The following MEIKIN variants were observed in gnomAD, a reference collection of about 807,000 sequenced individuals.
The protein encoded by MEIKIN is meiosis-specific kinetochore protein.
intron 11 of MEIKIN, among the ~76,000 whole-genome samples, chr5:131,844,881 C>T (rs1749982564): frequency 2.0e-5 from 3 of 151,912 alleles, no homozygotes; most frequent in Admixed American, 2.0e-4. Flanking sequence ...ATATGCAAAC[C>T]TCAGAAAAGA....
chr5:131,826,119 A>G (rs1367136649), intron 11 of MEIKIN, among the ~76,000 whole-genome samples: 1 of 123,408 alleles, frequency 8.1e-6, no homozygotes, highest in Non-Finnish European at 1.6e-5. Context: ...TAGAGATGGG[A>G]TCTCGCTATA....
intron 9 of MEIKIN, among the ~76,000 whole-genome samples, chr5:131,859,659 T>C (rs1486365327): frequency 1.3e-5 from 2 of 152,168 alleles, no homozygotes; most frequent in Non-Finnish European, 2.9e-5. Flanking sequence ...TGTGAGTCAA[T>C]TAAATCTCTT....
intron 7 of MEIKIN, among the ~76,000 whole-genome samples, chr5:131,915,249 A>T (rs960769041): frequency 5.3e-5 from 8 of 152,132 alleles, no homozygotes; most frequent in Non-Finnish European, 1.2e-4. Flanking sequence ...AACAACAAAA[A>T]CCAAGGTGAG....
At chr5:131,923,497 CT>C (rs563033307) in intron 5 of MEIKIN, among the ~76,000 whole-genome samples, 3 of 149,888 alleles carry the variant, frequency 2.0e-5, no homozygotes, top group African/African-American at 7.3e-5. Context: ...AAATTTTAAT[CT>C]TTTTTTTTCT....
At chr5:131,870,678 CT>C (rs1410703065) in intron 9 of MEIKIN, among the ~76,000 whole-genome samples, 3 of 152,174 alleles carry the variant, frequency 2.0e-5, no homozygotes, top group African/African-American at 4.8e-5. Flanking sequence ...AGAAGTCTTT[CT>C]TAACATTTCT....
At chr5:131,817,022 C>T (rs1003641929) in intron 12 of MEIKIN, among the ~76,000 whole-genome samples, 11 of 152,142 alleles carry the variant, frequency 7.2e-5, no homozygotes. Context: ...TCTGCCCTCA[C>T]CCAAAGTGGT....
intron 8 of MEIKIN, among the ~76,000 whole-genome samples, chr5:131,892,831 C>G (rs1400940015): frequency 6.6e-6 from 1 of 152,020 alleles, no homozygotes; most frequent in Non-Finnish European, 1.5e-5. Context: ...CTGTTTTTTC[C>G]CCATCTTTGT....
At chr5:131,934,338 A>T (rs1352039093) in intron 4 of MEIKIN, among the ~76,000 whole-genome samples, 1 of 152,082 alleles carries the variant, frequency 6.6e-6, no homozygotes, top group Non-Finnish European at 1.5e-5. Flanking sequence ...TAGTTATTTC[A>T]TCTAAAAAAC....
intron 8 of MEIKIN, among the ~76,000 whole-genome samples, chr5:131,891,043 A>T (rs1012501037): frequency 2.0e-5 from 3 of 152,026 alleles, no homozygotes; most frequent in African/African-American, 7.2e-5. Context: ...GAGTTTCTTA[A>T]CCCTGAGTTC....
intron 8 of MEIKIN, 64 bp downstream of exon 8, chr5:131,911,751 G>T: frequency 5.1e-6 from 2 of 393,926 alleles, no homozygotes; most frequent in Non-Finnish European, 9.0e-6. Flanking sequence ...AATAAACACA[G>T]AATCGTGTTT....
At chr5:131,893,267 T>C (rs563129019) in intron 8 of MEIKIN, among the ~76,000 whole-genome samples, 1 of 152,286 alleles carries the variant, frequency 6.6e-6, no homozygotes, top group African/African-American at 2.4e-5. Context: ...CCGCTTTGTT[T>C]ACCTAATCAA....
At chr5:131,851,425 GC>G (rs1750113617) in intron 10 of MEIKIN, 42 bp from the exon 11 acceptor site, 1 of 395,764 alleles carries the variant, frequency 2.5e-6, no homozygotes, top group Admixed American at 4.4e-5. Context: ...GTTAAACATT[GC>G]AAAAGCAATG....
chr5:131,854,921 G>C (rs1306355294), intron 9 of MEIKIN, 87 bp from the exon 10 acceptor site: 1 of 388,968 alleles, frequency 2.6e-6, no homozygotes, highest in Non-Finnish European at 4.5e-6. Flanking sequence ...CAAGTTAGTT[G>C]ACCAGATCAT....
At chr5:131,888,320 C>G (rs905550511) in intron 8 of MEIKIN, among the ~76,000 whole-genome samples, 1 of 142,002 alleles carries the variant, frequency 7.0e-6, no homozygotes. Flanking sequence ...GTTTACAGTC[C>G]CACCAACAGT....
At chr5:131,874,290 G>A (rs1454881727) in intron 9 of MEIKIN, among the ~76,000 whole-genome samples, 4 of 152,086 alleles carry the variant, frequency 2.6e-5, no homozygotes, top group Non-Finnish European at 4.4e-5. Context: ...TCAAATAGAT[G>A]CAATAGAAAA....
At chr5:131,897,458 C>A (rs1156901177) in intron 8 of MEIKIN, among the ~76,000 whole-genome samples, 1 of 152,148 alleles carries the variant, frequency 6.6e-6, no homozygotes, top group African/African-American at 2.4e-5. Context: ...GGAAATTCTC[C>A]TGGATAATAT....
chr5:131,890,831 C>T (rs967788539), intron 8 of MEIKIN, among the ~76,000 whole-genome samples: 10 of 152,156 alleles, frequency 6.6e-5, no homozygotes, highest in Admixed American at 6.5e-4. Flanking sequence ...TTAGATCTTT[C>T]CTGCTTTCTC....
intron 11 of MEIKIN, among the ~76,000 whole-genome samples, chr5:131,824,441 G>T (rs1441681340): frequency 1.3e-4 from 20 of 151,936 alleles, no homozygotes; most frequent in African/African-American, 4.8e-4. Flanking sequence ...AATCACTTGA[G>T]CCCAAGAGTT....
intron 3 of MEIKIN, among the ~76,000 whole-genome samples, chr5:131,943,352 A>G (rs1228704607): frequency 6.6e-6 from 1 of 152,204 alleles, no homozygotes; most frequent in Non-Finnish European, 1.5e-5. Context: ...TGAATAAAAA[A>G]ACTTGAAACA....
Sources: gnomAD v4.1 joint callset for allele counts (sites outside exome capture counted in the v4.1 genomes callset) on GRCh38, gnomAD v4.1.1 for gene constraint, MANE v1.5 for transcripts, NCBI Gene and HGNC (gene_info 2026-07-23, HGNC 2026-07-21) for gene names.